NCOA6: variants seen among roughly 807,000 people sequenced by gnomAD.
NCOA6 encodes the protein nuclear receptor coactivator 6, also known as NRC RAP250.
A neutral mutation model predicts 171.4 loss-of-function variants in NCOA6; 49 were observed. The observed-to-expected ratio is 0.29, with a 90% CI of 0.23 to 0.36. The LOEUF (loss-of-function observed/expected upper bound fraction) is 0.36, where lower values mean the gene tolerates loss of function less well. Ranked by LOEUF, NCOA6 falls within the 10% of genes least tolerant of loss-of-function variation. The pLI is 1.00. For missense variants in NCOA6, 2,248 were observed against 2,554.5 expected, an observed-to-expected ratio of 0.88 and a Z score of 2.59; for synonymous variants, 910 against 927.5, an observed-to-expected ratio of 0.98 and a Z score of 0.34.
Position 34,736,675 on chromosome 20 carries a change from C to A in NCOA6, c.5962+15G>T. On this transcript the variant is annotated intron_variant, in intron 12 of 14. Transcript: ENST00000359003. The stretch of plus-strand genomic sequence containing the variant: ...CCCATCCCACTCCAAGAAGTTTTTC[C>A]AAAGTACGCCTTACCTGGTCTGGCA... 6.3e-7 allele frequency: 1 copy of A among 1,592,594 alleles called. No individual in the cohort carries two copies. Among genetic ancestry groups the A allele is most frequent in the Non-Finnish European group, 8.5e-7 (1 of 1,170,448 alleles).
At chr20:34,762,312 C>T (rs532667290) in intron 5 of NCOA6, among the ~76,000 whole-genome samples, 1 of 152,252 alleles carries the variant, frequency 6.6e-6, no homozygotes, top group Admixed American at 6.5e-5. Flanking sequence ...TTTGAACCTT[C>T]TGAGTCCTTA....
intron 1 of NCOA6, among the ~76,000 whole-genome samples, chr20:34,823,834 C>T (rs1346896418): frequency 6.6e-6 from 1 of 152,130 alleles, no homozygotes; most frequent in Non-Finnish European, 1.5e-5. Flanking sequence ...TCCTGAGTAG[C>T]TGGGACTACA....
intron 1 of NCOA6, among the ~76,000 whole-genome samples, chr20:34,815,044 T>C (rs1364125239): frequency 6.6e-6 from 1 of 152,128 alleles, no homozygotes; most frequent in East Asian, 1.9e-4. Context: ...ATTCACAATT[T>C]AAATACAGTA....
chr20:34,803,110 G>A (rs572367017), intron 1 of NCOA6, among the ~76,000 whole-genome samples: 51 of 152,052 alleles, frequency 3.4e-4, no homozygotes, highest in Non-Finnish European at 6.5e-4. Context: ...CATGCCCAGC[G>A]ATTTATAAAA....
chr20:34,744,651 C>T (rs185412196), intron 10 of NCOA6, among the ~76,000 whole-genome samples: 289 of 152,158 alleles, frequency 1.9e-3, no homozygotes, highest in Middle Eastern at 3.4e-3. Context: ...TGTGTAGAAT[C>T]CAGTTTTGAA....
At chr20:34,744,456 T>C (rs533027037) in intron 10 of NCOA6, among the ~76,000 whole-genome samples, 4 of 152,296 alleles carry the variant, frequency 2.6e-5, no homozygotes, top group South Asian at 2.1e-4. Flanking sequence ...ATTTATTCCA[T>C]TGTTGCATGA....
At chr20:34,805,381 C>G (rs1305501475) in intron 1 of NCOA6, among the ~76,000 whole-genome samples, 1 of 152,096 alleles carries the variant, frequency 6.6e-6, no homozygotes, top group Non-Finnish European at 1.5e-5. Flanking sequence ...AACTTTTTTA[C>G]CTTCCACATA....
chr20:34,757,935 CTGCTGCTGT>C lies in NCOA6; in HGVS notation c.804_812del (p.Gln283_Gln285del), dbSNP rs747481290. The C allele has an allele frequency of 1.2e-4, 197 of 1,613,454 alleles. No homozygotes were observed. Among genetic ancestry groups the C allele is most frequent in the Non-Finnish European group, 1.6e-4 (190 of 1,179,742 alleles). On this transcript the variant is annotated inframe_deletion, in exon 7 of 15. Coordinates refer to ENST00000359003, the MANE Select transcript of NCOA6 (RefSeq NM_014071.5). ...GCTGTTGTTGCTGCTGCTGCTGCTG[CTGCTGCTGT>C]TGTTGTTGTTGCTGCTGCTGCTGCA...
intron 1 of NCOA6, among the ~76,000 whole-genome samples, chr20:34,811,767 T>C (rs2078672213): frequency 6.6e-6 from 1 of 152,220 alleles, no homozygotes; most frequent in Non-Finnish European, 1.5e-5. Flanking sequence ...ATTACACTTA[T>C]AGTATTTAAA....
rs367710410 is a variant in NCOA6 at position 34,801,375 on chromosome 20, T to C, written c.-163-8812A>G. Reference sequence around the variant, plus strand: ...AAGATGAGAGCAGAAATAAATGAAATTGAAAGAATACACAAGATCAGTGAA... The same window carrying C: ...AAGATGAGAGCAGAAATAAATGAAACTGAAAGAATACACAAGATCAGTGAA... On this transcript the variant is annotated intron_variant, in intron 1 of 14. Transcript: ENST00000359003. Among the ~76,000 whole-genome samples, 11 of 151,964 alleles carry C rather than the reference T, an allele frequency of 7.2e-5. No individual in the cohort carries two copies. In the East Asian group the frequency reaches 1.7e-3, roughly 24 times the overall value.
intron 4 of NCOA6, 88 bp downstream of exon 4, chr20:34,776,205 G>C: frequency 2.0e-6 from 3 of 1,486,000 alleles, no homozygotes; most frequent in Non-Finnish European, 1.8e-6. Context: ...CAAGAGCAGA[G>C]GAACAGACAA....
Position 34,743,125 on chromosome 20 carries a change from T to G in NCOA6, c.3131A>C (p.Lys1044Thr). 6.2e-7 allele frequency: 1 copy of G among 1,613,626 alleles called. No individual in the cohort carries two copies. ...TTGAGAGACTGGAAGCCTAACTGAT[T>G]TGGGATCCTGCTGCATCATGAGCAT... ...MMMLMMQQDP[K>T]SVRLPVSQNV... The change falls in exon 11 of 15, where the codon AAA becomes ACA. Residue 1044 changes from lysine (K) to threonine (T), a missense_variant. Coordinates refer to ENST00000359003, the MANE Select transcript of NCOA6 (RefSeq NM_014071.5).
At chr20:34,721,574 T>C (rs552320743) in intron 14 of NCOA6, among the ~76,000 whole-genome samples, 1 of 152,270 alleles carries the variant, frequency 6.6e-6, no homozygotes, top group Admixed American at 6.5e-5. Flanking sequence ...AACCTAGATC[T>C]CTCGCATGCA....
At position 34,757,263 on chromosome 20, in the gene NCOA6, TTGC is replaced by T; in HGVS notation, c.1482_1484del (p.Gln495del). On this transcript the variant is annotated inframe_deletion, in exon 7 of 15. Coordinates refer to ENST00000359003, the MANE Select transcript of NCOA6 (RefSeq NM_014071.5). ...AACTCTGTGGCCCCTGGTTTGGTGG[TTGC>T]TGCTGCATCACCATGAAGTTAGGTG... The T allele has an allele frequency of 6.2e-7, 1 of 1,609,050 alleles. No homozygotes were observed. Among genetic ancestry groups the T allele is most frequent in the East Asian group, 2.2e-5 (1 of 44,882 alleles).
intron 1 of NCOA6, among the ~76,000 whole-genome samples, chr20:34,817,161 ATGTATATAAATGGGT>A: frequency 7.9e-6 from 1 of 126,294 alleles, no homozygotes; most frequent in African/African-American, 2.8e-5. Flanking sequence ...GCAAAAGAAA[ATGTATATAAATGGGT>A]ACTACGGAAC....
rs555586821 is a variant in NCOA6, at chr20:34,807,055, C to T, written c.-163-14492G>A. ...GGCCTGGTGATTTGCTTCTAACTAA[C>T]GGACTATGGAAAATGTGATAGGATG... On this transcript the variant is annotated intron_variant, in intron 1 of 14. Transcript: ENST00000359003. Among the ~76,000 whole-genome samples the T allele has an allele frequency of 9.7e-4, 148 of 152,260 alleles. 1 individual carries two copies. Among genetic ancestry groups the T allele is most frequent in the Admixed American group, 2.4e-3 (36 of 15,284 alleles).
Position 34,731,565 on chromosome 20 carries a change from A to C in NCOA6, c.5999+994T>G, listed in dbSNP as rs111574079. Among the ~76,000 whole-genome samples the C allele has an allele frequency of 6.4e-3, 968 of 152,366 alleles. 7 individuals are homozygous for C. Among genetic ancestry groups the C allele is most frequent in the African/African-American group, 0.022 (895 of 41,596 alleles). On this transcript the variant is annotated intron_variant, in intron 13 of 14. Coordinates refer to ENST00000359003, the MANE Select transcript of NCOA6 (RefSeq NM_014071.5). The stretch of plus-strand genomic sequence containing the variant: ...AACACATCTAGGGCACTTGTAGCTC[A>C]ATCTATTAAGGATGCATGGCATGGA...
At chr20:34,795,611 A>T (rs2078039271) in intron 1 of NCOA6, among the ~76,000 whole-genome samples, 1 of 152,230 alleles carries the variant, frequency 6.6e-6, no homozygotes, top group Admixed American at 6.5e-5. Flanking sequence ...GGGAAAAAAT[A>T]GGGGAAGGAT....
At position 34,754,756 on chromosome 20, in the gene NCOA6, AG is replaced by A. The variant is rs1568782068; in HGVS notation, c.1640del (p.Pro547LeufsTer33). The A allele has an allele frequency of 6.2e-7, 1 of 1,614,222 alleles. No homozygotes were observed. Among genetic ancestry groups the A allele is most frequent in the Admixed American group, 1.7e-5 (1 of 60,032 alleles). ...GGACATTTTGATTTGCTTGCAGCTG[AG>A]GGGCTCCTGAATTCCCAGGGGTGGT... ...TATTPGNSGA[P>X]QLQANQNVQH... On this transcript the variant is annotated frameshift_variant, in exon 8 of 15. Transcript: ENST00000359003. LOFTEE classifies it high-confidence loss of function.
Sources: allele counts gnomAD v4.1 joint callset (sites outside exome capture counted in the v4.1 genomes callset), GRCh38; gene constraint gnomAD v4.1.1; transcripts MANE v1.5; gene names NCBI Gene and HGNC (gene_info 2026-07-23, HGNC 2026-07-21).